Variants in ANOS1 observed in about 807,000 individuals in gnomAD.
The protein encoded by ANOS1 is anosmin 1.
In ANOS1, 6 loss-of-function variants were observed where a neutral mutation model predicts 59.0. That is an observed-to-expected ratio of 0.10 (90% confidence interval 0.06 to 0.20). The LOEUF is 0.20. ANOS1 is among the 10% of genes least tolerant of loss of function. The pLI is 1.00. For missense variants in ANOS1, 433 were observed against 542.3 expected (o/e 0.80, Z 2.00); for synonymous variants, 217 against 223.4 (o/e 0.97, Z 0.25).
chrX:8,684,338 A>T (rs1214373551), intron 2 of ANOS1, among the ~76,000 whole-genome samples: 1 of 111,205 alleles, frequency 9.0e-6, no homozygotes, highest in East Asian at 2.9e-4. Flanking sequence ...TAGCCTGCAT[A>T]GTTCAGTTGC....
chrX:8,586,054 T>C (rs1465744819), intron 5 of ANOS1, among the ~76,000 whole-genome samples: 1 of 112,372 alleles, frequency 8.9e-6, no homozygotes, highest in Non-Finnish European at 1.9e-5. Flanking sequence ...ACTTTAACAG[T>C]CTTCATACTA....
At chrX:8,630,182 C>G (rs899958297) in intron 2 of ANOS1, among the ~76,000 whole-genome samples, 14 of 112,134 alleles carry the variant, frequency 1.2e-4, no homozygotes, top group African/African-American at 3.9e-4. Context: ...GTAATCCCAA[C>G]ACTTTGGGAG....
intron 2 of ANOS1, among the ~76,000 whole-genome samples, chrX:8,685,586 G>GGAAGGAAGAAAGAA (rs1223862079): frequency 6.6e-5 from 4 of 60,792 alleles, no homozygotes; most frequent in African/African-American, 1.2e-4. Flanking sequence ...AGGAAAGAAA[G>GGAAGGAAGAAAGAA]AGAAAGAAAG....
At chrX:8,581,303 C>T (rs1302869159) in intron 6 of ANOS1, among the ~76,000 whole-genome samples, 2 of 111,501 alleles carry the variant, frequency 1.8e-5, no homozygotes, top group Non-Finnish European at 3.8e-5. Flanking sequence ...TCCTCATTTT[C>T]TCTTGCTGCC....
intron 3 of ANOS1, among the ~76,000 whole-genome samples, chrX:8,605,169 T>C (rs1263994056): frequency 9.0e-6 from 1 of 111,255 alleles, no homozygotes; most frequent in African/African-American, 3.3e-5. Flanking sequence ...AATGTTAAAA[T>C]CATTAAAGTT....
At chrX:8,712,766 T>C (rs1293892638) in intron 1 of ANOS1, among the ~76,000 whole-genome samples, 1 of 112,430 alleles carries the variant, frequency 8.9e-6, no homozygotes, top group Non-Finnish European at 1.9e-5. Flanking sequence ...ATGTAAACTG[T>C]TTAGAATCAA....
In ANOS1 at chrX:8,698,756, T is replaced by C. The variant is rs149776058; in HGVS notation, c.255+942A>G. Among the ~76,000 whole-genome samples the C allele has an allele frequency of 4.4e-4, 49 of 112,017 alleles. 1 individual carries two copies. In the East Asian group the frequency reaches 0.013, roughly 29 times the overall value. On this transcript the variant is annotated intron_variant, in intron 2 of 13. Transcript: ENST00000262648. ...CTGTTCTATTTTAAAGTAACACTCA[T>C]GTGTATTCAGTGAGCATGATTGTGG... is the stretch of plus-strand genomic sequence containing the variant.
intron 2 of ANOS1, among the ~76,000 whole-genome samples, chrX:8,647,425 C>G (rs372594462): frequency 2.4e-4 from 27 of 111,816 alleles, no homozygotes; most frequent in East Asian, 1.7e-3. Context: ...CCCAATCACA[C>G]AGTCCAGATG....
At chrX:8,663,307 A>T (rs1390737429) in intron 2 of ANOS1, among the ~76,000 whole-genome samples, 1 of 112,188 alleles carries the variant, frequency 8.9e-6, no homozygotes, top group Non-Finnish European at 1.9e-5. Flanking sequence ...GTCAAAAAAC[A>T]TTCTGTTTCT....
At chrX:8,632,032 G>T (rs962802655) in intron 2 of ANOS1, among the ~76,000 whole-genome samples, 1 of 111,966 alleles carries the variant, frequency 8.9e-6, no homozygotes, top group Non-Finnish European at 1.9e-5. Context: ...CTGATGTTTA[G>T]ATGTGTGTGC....
Position 8,616,652 on chromosome X carries a change from C to T in ANOS1, c.318+6956G>A, listed in dbSNP as rs115900849. On this transcript the variant is annotated intron_variant, in intron 3 of 13. Transcript: ENST00000262648. The stretch of plus-strand genomic sequence containing the variant: ...TGTGCCTGACACATATCCCACATCT[C>T]GTACATTCCAGCTTTCTTACCCTAG... Among the ~76,000 whole-genome samples the T allele has an allele frequency of 9.9e-3, 1,100 of 111,387 alleles. 16 individuals are homozygous for T. Among genetic ancestry groups the T allele is most frequent in the African/African-American group, 0.034 (1,028 of 30,573 alleles).
At chrX:8,595,846 G>A (rs1383116982) in intron 4 of ANOS1, among the ~76,000 whole-genome samples, 3 of 111,271 alleles carry the variant, frequency 2.7e-5, no homozygotes, top group African/African-American at 6.5e-5. Flanking sequence ...TAAGTGGTGG[G>A]TGAGTGGACA....
At chrX:8,552,776 A>C (rs1929877247) in intron 9 of ANOS1, among the ~76,000 whole-genome samples, 1 of 110,522 alleles carries the variant, frequency 9.0e-6, no homozygotes, top group Non-Finnish European at 1.9e-5. Flanking sequence ...TTGATATTTT[A>C]ATTAATCAAT....
intron 6 of ANOS1, among the ~76,000 whole-genome samples, chrX:8,584,480 C>T (rs1293740620): frequency 1.8e-5 from 2 of 111,269 alleles, no homozygotes; most frequent in African/African-American, 6.5e-5. Context: ...GTTAATGTCC[C>T]AATAAATAAA....
chrX:8,619,566 T>C (rs2146843824), intron 3 of ANOS1, among the ~76,000 whole-genome samples: 1 of 111,080 alleles, frequency 9.0e-6, no homozygotes, highest in Admixed American at 9.6e-5. Context: ...ATTGCGCCAC[T>C]GCACTCCAGC....
At chrX:8,710,222 G>A (rs1363348798) in intron 1 of ANOS1, among the ~76,000 whole-genome samples, 5 of 111,735 alleles carry the variant, frequency 4.5e-5, no homozygotes, top group Non-Finnish European at 1.9e-5. Context: ...GAGCCACCAC[G>A]CCCGGCCGTG....
chrX:8,599,749 G>C (rs1173268106), intron 3 of ANOS1, among the ~76,000 whole-genome samples: 1 of 111,912 alleles, frequency 8.9e-6, no homozygotes, highest in Non-Finnish European at 1.9e-5. Context: ...TAGGTGTCTG[G>C]TAGCACCTAG....
rs180889562 is a variant in ANOS1, at chrX:8,597,782, C to T, written c.319-526G>A. The stretch of plus-strand genomic sequence containing the variant: ...GAACTCCCAACCTCAGGCAATCCTC[C>T]TGCCTCAGCCTCCCAAGTAACTAGA... On this transcript the variant is annotated intron_variant, in intron 3 of 13. Coordinates refer to ENST00000262648, the MANE Select transcript of ANOS1 (RefSeq NM_000216.4). Among the ~76,000 whole-genome samples, 875 of 104,486 alleles carry T rather than the reference C, an allele frequency of 8.4e-3. 18 individuals are homozygous for T. The highest frequency in any genetic ancestry group is 0.029 in the African/African-American group (826 of 28,675). 90.7% of individuals were successfully genotyped at this position (104,486 alleles called of 115,157 possible).
At chrX:8,637,630 C>T (rs952209704) in intron 2 of ANOS1, among the ~76,000 whole-genome samples, 24 of 111,824 alleles carry the variant, frequency 2.1e-4, no homozygotes, top group African/African-American at 7.5e-4. Flanking sequence ...ATGAAATATT[C>T]AATTTTAATA....
Sources: gnomAD v4.1 joint callset for allele counts (sites outside exome capture counted in the v4.1 genomes callset) on GRCh38, gnomAD v4.1.1 for gene constraint, MANE v1.5 for transcripts, NCBI Gene and HGNC (gene_info 2026-07-23, HGNC 2026-07-21) for gene names.